DOCK11: variants seen among roughly 807,000 people sequenced by gnomAD.
DOCK11 encodes the protein dedicator of cytokinesis 11.
A neutral mutation model predicts 169.1 loss-of-function variants in DOCK11; 70 were observed. That is an observed-to-expected ratio of 0.41 (90% CI 0.34 to 0.51). The LOEUF (loss-of-function observed/expected upper bound fraction) is 0.51. DOCK11 is among the 20% of genes least tolerant of loss of function. DOCK11 has a pLI of 0.10. For synonymous variants in DOCK11, 529 were observed against 541.3 expected, an observed-to-expected ratio of 0.98 and a Z score of 0.32; for missense variants, 1,166 against 1,538.8, an observed-to-expected ratio of 0.76 and a Z score of 4.05.
intron 12 of DOCK11, among the ~76,000 whole-genome samples, chrX:118,575,222 A>T (rs2013406904): frequency 9.0e-6 from 1 of 111,499 alleles, no homozygotes; most frequent in Non-Finnish European, 1.9e-5. Flanking sequence ...GTGTATATAG[A>T]AATATATACA....
intron 6 of DOCK11, among the ~76,000 whole-genome samples, chrX:118,552,917 C>T (rs2012550572): frequency 9.0e-6 from 1 of 111,093 alleles, no homozygotes; most frequent in Non-Finnish European, 1.9e-5. Flanking sequence ...AACAAAAAAC[C>T]AACGCTCTGT....
chrX:118,604,194 CCATAGGCTA>C (rs766850809), intron 23 of DOCK11, among the ~76,000 whole-genome samples: 6 of 111,631 alleles, frequency 5.4e-5, no homozygotes, highest in African/African-American at 2.0e-4. Context: ...AGAACCACTG[CCATAGGCTA>C]TGGGGAGACA....
intron 1 of DOCK11, among the ~76,000 whole-genome samples, chrX:118,541,291 T>G (rs2011991710): frequency 8.9e-6 from 1 of 112,012 alleles, no homozygotes; most frequent in African/African-American, 3.2e-5. Context: ...GGTCAAGGGC[T>G]GGTGGTGTGC....
chrX:118,594,576 G>A (rs771949029), intron 20 of DOCK11, among the ~76,000 whole-genome samples: 1 of 111,901 alleles, frequency 8.9e-6, no homozygotes, highest in Non-Finnish European at 1.9e-5. Context: ...ACTGTATTAT[G>A]TACAAGATAT....
At chrX:118,593,661 T>C (rs2014072845) in intron 20 of DOCK11, among the ~76,000 whole-genome samples, 1 of 111,066 alleles carries the variant, frequency 9.0e-6, no homozygotes, top group Non-Finnish European at 1.9e-5. Flanking sequence ...TGAGACTTAT[T>C]CATTATCACA....
intron 38 of DOCK11, among the ~76,000 whole-genome samples, chrX:118,640,760 T>C (rs1241295335): frequency 6.5e-5 from 7 of 106,916 alleles, no homozygotes; most frequent in African/African-American, 2.4e-4. Flanking sequence ...ACCCAGACTA[T>C]ATTTGATGAA....
intron 32 of DOCK11, 98 bp downstream of exon 32, chrX:118,624,753 ACT>A: frequency 1.3e-5 from 4 of 309,182 alleles, no homozygotes; most frequent in African/African-American, 3.4e-5. Context: ...TTAAGAGTTC[ACT>A]TTTTTTTTTT....
chrX:118,683,258 G>A, intron 52 of DOCK11, 41 bp downstream of exon 52: 1 of 1,169,982 alleles, frequency 8.5e-7, no homozygotes, highest in Non-Finnish European at 1.1e-6. Flanking sequence ...ATGATCTGCG[G>A]GTCCCAAAAT....
chrX:118,608,169 C>T (rs776541969), intron 25 of DOCK11, 28 bp downstream of exon 25: 5 of 1,191,832 alleles, frequency 4.2e-6, no homozygotes, highest in Non-Finnish European at 5.6e-6. Context: ...TCTTTCTGAG[C>T]AATTTGTTTT....
intron 42 of DOCK11, among the ~76,000 whole-genome samples, chrX:118,652,566 T>G (rs2015971004): frequency 9.0e-6 from 1 of 111,590 alleles, no homozygotes; most frequent in Non-Finnish European, 1.9e-5. Flanking sequence ...GTTTTGAAAA[T>G]TATCTGTTAA....
At chrX:118,526,977 T>C (rs1297510709) in intron 1 of DOCK11, among the ~76,000 whole-genome samples, 2 of 111,880 alleles carry the variant, frequency 1.8e-5, no homozygotes, top group Middle Eastern at 4.6e-3. Context: ...TCCAAAAACA[T>C]ATAAGTGATG....
chrX:118,516,655 G>A (rs1372923311), intron 1 of DOCK11, among the ~76,000 whole-genome samples: 4 of 106,453 alleles, frequency 3.8e-5, no homozygotes, highest in African/African-American at 1.4e-4. Flanking sequence ...GGCTGGTCTC[G>A]AACTCCTGAC....
intron 1 of DOCK11, among the ~76,000 whole-genome samples, chrX:118,503,898 G>A (rs2057592833): frequency 9.0e-6 from 1 of 111,339 alleles, no homozygotes; most frequent in Admixed American, 9.5e-5. Flanking sequence ...AGAATGGGGT[G>A]GGGATGGGAA....
chrX:118,659,201 CTTT>C (rs1011952454), intron 44 of DOCK11, among the ~76,000 whole-genome samples: 4 of 111,551 alleles, frequency 3.6e-5, no homozygotes, highest in Non-Finnish European at 7.5e-5. Flanking sequence ...CCCCTTCCCA[CTTT>C]TTTTCACGGG....
At chrX:118,659,803 C>T (rs1310838651) in intron 44 of DOCK11, among the ~76,000 whole-genome samples, 2 of 112,035 alleles carry the variant, frequency 1.8e-5, no homozygotes, top group Admixed American at 9.5e-5. Context: ...TAAGATACAC[C>T]GGAAGACTCT....
intron 40 of DOCK11, among the ~76,000 whole-genome samples, chrX:118,647,704 T>A (rs1200912356): frequency 1.9e-5 from 1 of 52,348 alleles, no homozygotes; most frequent in Non-Finnish European, 3.1e-5. Context: ...ATATAATATA[T>A]AATAATATAA....
At chrX:118,573,747 C>T in intron 11 of DOCK11, 59 bp from the exon 12 acceptor site, 2 of 1,010,271 alleles carry the variant, frequency 2.0e-6, no homozygotes, top group Admixed American at 2.7e-5. Context: ...ACTTGTGCCC[C>T]TCCCCGCCAT....
chrX:118,656,482 A>T (rs1034782856), intron 44 of DOCK11, among the ~76,000 whole-genome samples: 3 of 110,771 alleles, frequency 2.7e-5, no homozygotes, highest in African/African-American at 9.8e-5. Context: ...ATTAATTACC[A>T]AAATAAGGCC....
At chrX:118,599,081 G>A in intron 22 of DOCK11, 58 bp from the exon 23 acceptor site, 2 of 943,760 alleles carry the variant, frequency 2.1e-6, no homozygotes, top group Non-Finnish European at 3.1e-6. Context: ...GAGGTAGAGA[G>A]CTTGCATTTG....
Sources: gnomAD v4.1 joint callset for allele counts (sites outside exome capture counted in the v4.1 genomes callset) on GRCh38, gnomAD v4.1.1 for gene constraint, MANE v1.5 for transcripts, NCBI Gene and HGNC (gene_info 2026-07-23, HGNC 2026-07-21) for gene names.